Variants in COL6A5 observed in about 807,000 individuals in gnomAD.
The protein encoded by COL6A5 is collagen alpha-5(VI) chain.
COL6A5 carries 48 observed loss-of-function variants against 65.6 expected under a neutral mutation model. The ratio of observed to expected loss-of-function variants is 0.73; its 90% CI spans 0.58 to 0.93. The LOEUF (loss-of-function observed/expected upper bound fraction) is 0.93, where lower values mean the gene tolerates loss of function less well. Ranked by LOEUF, COL6A5 falls within the 40% of genes least tolerant of loss-of-function variation. The pLI, the probability that COL6A5 is intolerant of heterozygous loss-of-function variation, is 0.00. For missense variants in COL6A5, 914 were observed against 928.3 expected (o/e 0.98, Z 0.20); for synonymous variants, 291 against 322.8 (o/e 0.90, Z 1.05).
intron 2 of COL6A5, among the ~76,000 whole-genome samples, chr3:130,374,566 G>A (rs1033068923): frequency 6.6e-6 from 1 of 152,036 alleles, no homozygotes; most frequent in Admixed American, 6.6e-5. Flanking sequence ...CAATCCTTCT[G>A]CCTCAGCCTC....
At chr3:130,368,435 C>T (rs1935421866) in intron 1 of COL6A5, among the ~76,000 whole-genome samples, 1 of 152,146 alleles carries the variant, frequency 6.6e-6, no homozygotes, top group Non-Finnish European at 1.5e-5. Flanking sequence ...AAAGCAGGCA[C>T]TGACCTAAGC....
intron 5 of COL6A5, among the ~76,000 whole-genome samples, chr3:130,459,725 AT>A (rs113030527): frequency 2.3e-3 from 348 of 150,160 alleles, no homozygotes; most frequent in African/African-American, 3.1e-3. Context: ...ATTCTACTAT[AT>A]TTTTTTTTTA....
chr3:130,401,675 G>A, intron 11 of COL6A5, 87 bp from the exon 12 acceptor site: 1 of 982,782 alleles, frequency 1.0e-6, no homozygotes, highest in Non-Finnish European at 1.6e-6. Context: ...CGTGTAGATG[G>A]TGGATTATGA....
At chr3:130,395,191 T>A in exon 8 of COL6A5, 1 of 1,551,708 alleles carries the variant, frequency 6.4e-7, no homozygotes, top group East Asian at 2.4e-5. Context: ...TTAATCTACA[T>A]GCTGGTGGGA....
At chr3:130,410,403 T>C in intron 19 of COL6A5, 68 bp from the exon 20 acceptor site, 1 of 1,145,834 alleles carries the variant, frequency 8.7e-7, no homozygotes, top group Non-Finnish European at 1.3e-6. Context: ...GAGGTTTTGA[T>C]GCTGATGCCT....
At chr3:130,374,570 CAGCCTCCCA>C (rs1160935176) in intron 2 of COL6A5, among the ~76,000 whole-genome samples, 2 of 152,152 alleles carry the variant, frequency 1.3e-5, no homozygotes, top group Non-Finnish European at 2.9e-5. Flanking sequence ...CCTTCTGCCT[CAGCCTCCCA>C]AATAGCTGGG....
exon 28 of COL6A5, chr3:130,422,752 A>T: frequency 6.5e-7 from 1 of 1,526,904 alleles, no homozygotes; most frequent in Non-Finnish European, 8.8e-7. Flanking sequence ...TTCCTGGGGG[A>T]CCTGGACCCA....
At chr3:130,367,821 G>T (rs1456542301) in intron 1 of COL6A5, among the ~76,000 whole-genome samples, 1 of 152,146 alleles carries the variant, frequency 6.6e-6, no homozygotes, top group South Asian at 2.1e-4. Flanking sequence ...ATCATGAGTC[G>T]GATTTGGTCA....
At chr3:130,405,878 A>G (rs1380399411) in intron 14 of COL6A5, 115 bp from the exon 15 acceptor site, 3 of 1,068,194 alleles carry the variant, frequency 2.8e-6, no homozygotes, top group Admixed American at 4.1e-5. Flanking sequence ...ACCTCTTTGT[A>G]GATGTATAGC....
rs753861789 is a variant in COL6A5 at position 130,391,249 on chromosome 3, T to G, written c.2487T>G (p.Tyr829Ter). The G allele has an allele frequency of 1.9e-6, 3 of 1,551,586 alleles. No homozygotes were observed. The South Asian group carries it at 3.6e-5, about 18-fold the overall frequency. ...ATTCAGGTAGCATAAAAAAACAATATCAAGATCACATGATTAACCTAACTA... is the reference window on the plus strand; with the variant it reads ...ATTCAGGTAGCATAAAAAAACAATAGCAAGATCACATGATTAACCTAACTA... The change falls in exon 7 of 42, where the codon TAT (tyrosine) becomes TAG (stop). Residue 829 changes from tyrosine (Y) to a stop codon, truncating the protein, a stop_gained and NMD_transcript_variant. Transcript: ENST00000312481.
At chr3:130,395,344 TCTC>T (rs1354686849) in exon 8 of COL6A5, 2 of 1,550,250 alleles carry the variant, frequency 1.3e-6, no homozygotes. Context: ...ATAAGGAACA[TCTC>T]CTGCCAATAA....
Position 130,422,973 on chromosome 3 carries a change from A to G in COL6A5, c.5100+191A>G, listed in dbSNP as rs373815153. Among the ~76,000 whole-genome samples, 10 of 152,240 alleles carry G rather than the reference A, an allele frequency of 6.6e-5. No individual in the cohort carries two copies. The East Asian group carries it at 1.4e-3, about 21-fold the overall frequency. ...ATAAGAATTGAACTTAGTGACATCTAAGGTCACATTCAGCTCTAAAAGTTT... is the reference window on the plus strand; with the variant it reads ...ATAAGAATTGAACTTAGTGACATCTGAGGTCACATTCAGCTCTAAAAGTTT... On this transcript the variant is annotated intron_variant and NMD_transcript_variant, in intron 28 of 41. Transcript: ENST00000312481.
intron 1 of COL6A5, among the ~76,000 whole-genome samples, chr3:130,437,440 G>A (rs1709058784): frequency 6.6e-6 from 1 of 151,918 alleles, no homozygotes; most frequent in South Asian, 2.1e-4. Context: ...CTTTTCCTTA[G>A]TGGCCTTGCA....
At chr3:130,418,737 C>A in intron 24 of COL6A5, 132 bp from the exon 25 acceptor site, 1 of 700,350 alleles carries the variant, frequency 1.4e-6, no homozygotes. Context: ...TTGTGCCCTA[C>A]ACTCATCCCC....
intron 7 of COL6A5, among the ~76,000 whole-genome samples, chr3:130,477,649 A>G (rs868205299): frequency 2.0e-5 from 3 of 152,090 alleles, no homozygotes; most frequent in African/African-American, 7.2e-5. Flanking sequence ...CTAGAAATGC[A>G]GATTCTTGGA....
At chr3:130,385,063 T>C (rs1559871005) in exon 5 of COL6A5, 3 of 1,550,866 alleles carry the variant, frequency 1.9e-6, no homozygotes, top group Non-Finnish European at 2.6e-6. Flanking sequence ...GTGGAACTTA[T>C]ACTGGGAAAG....
At chr3:130,356,519 T>C (rs1294268318) in intron 1 of COL6A5, among the ~76,000 whole-genome samples, 1 of 151,404 alleles carries the variant, frequency 6.6e-6, no homozygotes, top group East Asian at 1.9e-4. Flanking sequence ...CCATTAAAAG[T>C]AAAAGTAATA....
chr3:130,409,806 C>A (rs1050061265), intron 18 of COL6A5, among the ~76,000 whole-genome samples: 2 of 152,130 alleles, frequency 1.3e-5, no homozygotes, highest in African/African-American at 4.8e-5. Context: ...CCTTTTAATT[C>A]TTTATTTATT....
chr3:130,379,630 A>T, exon 4 of COL6A5: 12 of 1,551,470 alleles, frequency 7.7e-6, no homozygotes, highest in Non-Finnish European at 1.0e-5. Flanking sequence ...ATCAAGCACA[A>T]CCCAATCTGA....
Sources: allele counts gnomAD v4.1 joint callset (sites outside exome capture counted in the v4.1 genomes callset), GRCh38; gene constraint gnomAD v4.1.1; transcripts MANE v1.5; gene names NCBI Gene and HGNC (gene_info 2026-07-23, HGNC 2026-07-21).